The following TRAPPC9 variants were observed in gnomAD, a reference collection of about 807,000 sequenced individuals.
TRAPPC9 encodes the protein trafficking protein particle complex subunit 9, also known as IKK2 binding protein.
TRAPPC9 carries 83 observed loss-of-function variants against 124.0 expected under a neutral mutation model. The ratio of observed to expected loss-of-function variants is 0.67; its 90% CI spans 0.56 to 0.80. The LOEUF (loss-of-function observed/expected upper bound fraction) is 0.80. Among genes scored for constraint, TRAPPC9 ranks in the 30% least tolerant of loss-of-function variants. The probability of loss-of-function intolerance (pLI) is 0.00; values close to 1 mark genes in which losing one functional copy is unlikely to be tolerated. For synonymous variants in TRAPPC9, 638 were observed against 617.5 expected (o/e 1.03, Z -0.49); for missense variants, 1,302 against 1,508.3 (o/e 0.86, Z 2.27).
intron 17 of TRAPPC9, among the ~76,000 whole-genome samples, chr8:140,115,275 T>A (rs984659760): frequency 1.3e-5 from 2 of 151,988 alleles, no homozygotes; most frequent in Non-Finnish European, 2.9e-5. Flanking sequence ...TAATGGTTTT[T>A]TTTTTTTTTT....
upstream of TRAPPC9, chr8:140,457,780 G>A (rs1462209837): frequency 1.0e-6 from 1 of 1,004,538 alleles, no homozygotes; most frequent in Non-Finnish European, 1.2e-6. Context: ...CGCGTGCGCG[G>A]AGGCCAGGCC....
chr8:139,880,228 C>A (rs1167115357), intron 21 of TRAPPC9, among the ~76,000 whole-genome samples: 2 of 152,262 alleles, frequency 1.3e-5, no homozygotes, highest in Middle Eastern at 6.8e-3. Context: ...CAGGGACCAA[C>A]CCAGGTGTGC....
At chr8:140,419,336 G>T (rs1454354809) in intron 5 of TRAPPC9, among the ~76,000 whole-genome samples, 2 of 144,778 alleles carry the variant, frequency 1.4e-5, no homozygotes, top group African/African-American at 2.5e-5. Context: ...GGCTGAGGCA[G>T]GAGAATGGCG....
At chr8:140,122,124 A>C (rs763980048) in intron 17 of TRAPPC9, among the ~76,000 whole-genome samples, 7 of 151,708 alleles carry the variant, frequency 4.6e-5, no homozygotes, top group Non-Finnish European at 1.0e-4. Context: ...AACTTCAATG[A>C]GTCAAGGATC....
intron 7 of TRAPPC9, among the ~76,000 whole-genome samples, chr8:140,386,806 G>GA (rs2068766173): frequency 6.6e-6 from 1 of 151,954 alleles, no homozygotes; most frequent in Non-Finnish European, 1.5e-5. Context: ...CACAGAATTG[G>GA]AAAAAACTAC....
At chr8:139,839,387 G>T (rs1000697214) in intron 21 of TRAPPC9, among the ~76,000 whole-genome samples, 5 of 152,240 alleles carry the variant, frequency 3.3e-5, no homozygotes, top group African/African-American at 4.8e-5. Context: ...CCAGGGCAGG[G>T]ATGGCTTTCG....
At chr8:140,164,771 C>A (rs1259058512) in intron 17 of TRAPPC9, among the ~76,000 whole-genome samples, 4 of 152,162 alleles carry the variant, frequency 2.6e-5, no homozygotes, top group Non-Finnish European at 5.9e-5. Flanking sequence ...AGTCAGGAAC[C>A]AAAATCCACC....
At chr8:139,877,164 C>G (rs540983606) in intron 21 of TRAPPC9, among the ~76,000 whole-genome samples, 1 of 152,194 alleles carries the variant, frequency 6.6e-6, no homozygotes, top group African/African-American at 2.4e-5. Context: ...CAGCACAGAC[C>G]AATCATTGAT....
chr8:139,732,232 G>A, intron 21 of TRAPPC9, 30 bp from the exon 22 acceptor site: 2 of 1,541,004 alleles, frequency 1.3e-6, no homozygotes, highest in Non-Finnish European at 1.7e-6. Context: ...GTCGGGGGCT[G>A]GGCTGGCCTG....
At chr8:140,179,172 T>C (rs1475024340) in intron 17 of TRAPPC9, among the ~76,000 whole-genome samples, 1 of 152,178 alleles carries the variant, frequency 6.6e-6, no homozygotes, top group Non-Finnish European at 1.5e-5. Flanking sequence ...ACATAGCTCA[T>C]GAATTGAAAC....
chr8:139,890,022 T>C (rs2131145780), intron 20 of TRAPPC9, among the ~76,000 whole-genome samples: 1 of 152,328 alleles, frequency 6.6e-6, no homozygotes, highest in Non-Finnish European at 1.5e-5. Context: ...TTCCTGCATC[T>C]CCCACGATGA....
At chr8:140,320,755 G>A (rs1383422935) in intron 9 of TRAPPC9, among the ~76,000 whole-genome samples, 6 of 152,170 alleles carry the variant, frequency 3.9e-5, no homozygotes, top group Non-Finnish European at 8.8e-5. Flanking sequence ...GCATACTTGA[G>A]GCCTAGGGAG....
intron 17 of TRAPPC9, among the ~76,000 whole-genome samples, chr8:140,196,132 A>AAC (rs55872234): frequency 0.79 from 72,915 of 92,438 alleles, 30,159 homozygotes; most frequent in African/African-American, 0.84. Context: ...GTGACACTGA[A>AAC]ACACAACGAT....
At position 140,275,393 on chromosome 8, in the gene TRAPPC9, G is replaced by A. The variant is rs73714850; in HGVS notation, c.2278+265C>T. On this transcript the variant is annotated intron_variant, in intron 15 of 22. Coordinates refer to ENST00000438773, the MANE Select transcript of TRAPPC9 (RefSeq NM_001160372.4). ...TGAGGTCTGGGAAAGGGCACTGGGGGTACAGAGGTGTGTGCTCGGTCCCAC... is the reference window on the plus strand; with the variant it reads ...TGAGGTCTGGGAAAGGGCACTGGGGATACAGAGGTGTGTGCTCGGTCCCAC... 0.041 allele frequency among the ~76,000 whole-genome samples: 6,276 copies of A among 152,232 alleles called. 175 individuals carry two copies. The highest frequency in any genetic ancestry group is 0.07 in the African/African-American group (2,886 of 41,524).
intron 21 of TRAPPC9, among the ~76,000 whole-genome samples, chr8:139,810,212 G>A (rs546807143): frequency 1.1e-4 from 17 of 152,322 alleles, no homozygotes; most frequent in African/African-American, 3.6e-4. Context: ...TGGGTGAGGG[G>A]TAACTGACCT....
intron 17 of TRAPPC9, among the ~76,000 whole-genome samples, chr8:140,116,732 C>G (rs2060893898): frequency 6.6e-6 from 1 of 152,128 alleles, no homozygotes; most frequent in Admixed American, 6.5e-5. Context: ...CAGCAGCGGA[C>G]AAGCTAGAGA....
chr8:140,387,954 G>A (rs928983212), intron 7 of TRAPPC9, among the ~76,000 whole-genome samples: 5 of 152,028 alleles, frequency 3.3e-5, no homozygotes, highest in African/African-American at 9.7e-5. Flanking sequence ...ATTCACAACA[G>A]CAGAGACTCG....
At chr8:140,018,355 ACT>A (rs140555062) in intron 18 of TRAPPC9, among the ~76,000 whole-genome samples, 50,348 of 113,986 alleles carry the variant, frequency 0.44, 12,364 homozygotes, top group Middle Eastern at 0.61. Flanking sequence ...ACGGAGTCTC[ACT>A]CTGTCACCCA....
intron 17 of TRAPPC9, among the ~76,000 whole-genome samples, chr8:140,048,985 A>G (rs1175603354): frequency 6.6e-6 from 1 of 152,194 alleles, no homozygotes; most frequent in Non-Finnish European, 1.5e-5. Context: ...AGGAAACACG[A>G]GAAGCTGAGG....
Sources: allele counts gnomAD v4.1 joint callset (sites outside exome capture counted in the v4.1 genomes callset), GRCh38; gene constraint gnomAD v4.1.1; transcripts MANE v1.5; gene names NCBI Gene and HGNC (gene_info 2026-07-23, HGNC 2026-07-21).